Variants in ANK3 observed in about 807,000 individuals in gnomAD.
ANK3 encodes the protein ankyrin 3.
In ANK3, 57 loss-of-function variants were observed where a neutral mutation model predicts 370.9. The ratio of observed to expected loss-of-function variants is 0.15; its 90% confidence interval spans 0.12 to 0.19. The LOEUF is 0.19. ANK3 is among the 10% of genes least tolerant of loss of function. The pLI is 1.00. For missense variants in ANK3, 4,439 were observed against 5,302.1 expected (o/e 0.84, Z 5.06); for synonymous variants, 1,929 against 1,946.3 (o/e 0.99, Z 0.23).
intron 2 of ANK3, among the ~76,000 whole-genome samples, chr10:60,485,378 C>A (rs912937466): frequency 6.6e-6 from 1 of 152,136 alleles, no homozygotes; most frequent in Non-Finnish European, 1.5e-5. Flanking sequence ...CTTTTCTCAT[C>A]GGATGTGAAT....
intron 23 of ANK3, among the ~76,000 whole-genome samples, chr10:60,146,929 T>G (rs918737237): frequency 6.6e-6 from 1 of 152,230 alleles, no homozygotes; most frequent in African/African-American, 2.4e-5. Flanking sequence ...AGAAATATGG[T>G]AGGATTAGGA....
intron 40 of ANK3, 142 bp from the exon 41 acceptor site, chr10:60,059,572 TCTC>T: frequency 8.0e-7 from 1 of 1,246,728 alleles, no homozygotes; most frequent in Non-Finnish European, 1.1e-6. Flanking sequence ...TCTTCCATCA[TCTC>T]CTCATCAGGA....
At chr10:60,474,287 G>A (rs763092353) in intron 2 of ANK3, among the ~76,000 whole-genome samples, 82 of 152,116 alleles carry the variant, frequency 5.4e-4, no homozygotes, top group Non-Finnish European at 1.1e-3. Context: ...TACAGAGAAT[G>A]GACATGCTCA....
intron 42 of ANK3, among the ~76,000 whole-genome samples, chr10:60,046,434 A>G (rs1410049539): frequency 6.6e-6 from 1 of 152,218 alleles, no homozygotes; most frequent in Admixed American, 6.5e-5. Context: ...TTGGGCAGGT[A>G]CTGAATGAAT....
At chr10:60,415,404 G>C (rs2063641026) in intron 2 of ANK3, among the ~76,000 whole-genome samples, 1 of 152,106 alleles carries the variant, frequency 6.6e-6, no homozygotes, top group Non-Finnish European at 1.5e-5. Context: ...CCTCTTAAAT[G>C]ACCAGCGGGA....
chr10:60,357,992 A>G (rs2132722828), intron 1 of ANK3, among the ~76,000 whole-genome samples: 1 of 152,048 alleles, frequency 6.6e-6, no homozygotes, highest in Admixed American at 6.6e-5. Flanking sequence ...AGCTTTTGCC[A>G]TTATCTCCTG....
intron 7 of ANK3, among the ~76,000 whole-genome samples, chr10:60,256,600 T>C (rs1052663972): frequency 2.0e-5 from 3 of 152,204 alleles, no homozygotes; most frequent in African/African-American, 7.2e-5. Context: ...GTTGTGAGCA[T>C]AGTACCCAAT....
In ANK3 at chr10:60,465,806, T is replaced by C. The variant is rs536433280; in HGVS notation, c.96+149380A>G. Among the ~76,000 whole-genome samples, 263 of 149,392 alleles carry C rather than the reference T, an allele frequency of 1.8e-3. 3 individuals are homozygous for C. Among genetic ancestry groups the C allele is most frequent in the African/African-American group, 6.3e-3 (256 of 40,628 alleles). The stretch of plus-strand genomic sequence containing the variant: ...TTTTCTTTCTTTTTTTTTTTTTTTT[T>C]CAAAAAAAGAGGACTTAGGATGAAG... On this transcript the variant is annotated intron_variant, in intron 2 of 43. Transcript: ENST00000373827.
At chr10:60,435,780 C>T (rs1490986636) in intron 2 of ANK3, among the ~76,000 whole-genome samples, 1 of 152,204 alleles carries the variant, frequency 6.6e-6, no homozygotes, top group Non-Finnish European at 1.5e-5. Context: ...CCTTTTGTGT[C>T]TGGATTCTTT....
At chr10:60,083,887 C>T (rs2085947322) in intron 32 of ANK3, 1 of 267,776 alleles carries the variant, frequency 3.7e-6, no homozygotes, top group Non-Finnish European at 6.8e-6. Flanking sequence ...AAGAATGTGC[C>T]TGACATCAAT....
At chr10:60,589,488 G>A (rs1405047195) in intron 2 of ANK3, among the ~76,000 whole-genome samples, 1 of 151,912 alleles carries the variant, frequency 6.6e-6, no homozygotes, top group Non-Finnish European at 1.5e-5. Flanking sequence ...GTTACTGATA[G>A]ACTTTTTTTA....
At chr10:60,186,666 G>A (rs765157003) in intron 17 of ANK3, 49 bp downstream of exon 17, 2 of 1,565,840 alleles carry the variant, frequency 1.3e-6, no homozygotes, top group African/African-American at 1.4e-5. Flanking sequence ...CTTTCTGAGG[G>A]GTGAGGTTTT....
At chr10:60,243,368 G>A (rs1048895733) in intron 7 of ANK3, among the ~76,000 whole-genome samples, 1 of 152,082 alleles carries the variant, frequency 6.6e-6, no homozygotes, top group Admixed American at 6.6e-5. Context: ...AGATCATCAG[G>A]GTATGGCCTC....
chr10:60,175,735 C>A (rs1425095154), intron 18 of ANK3, among the ~76,000 whole-genome samples: 1 of 152,196 alleles, frequency 6.6e-6, no homozygotes, highest in Non-Finnish European at 1.5e-5. Flanking sequence ...AGGAGGGGCT[C>A]AGCAGCCAGG....
At chr10:60,531,930 T>C (rs1253531403) in intron 2 of ANK3, among the ~76,000 whole-genome samples, 1 of 152,138 alleles carries the variant, frequency 6.6e-6, no homozygotes, top group African/African-American at 2.4e-5. Context: ...AATGTTCACT[T>C]ATGTTTGAGA....
intron 2 of ANK3, among the ~76,000 whole-genome samples, chr10:60,520,949 T>A (rs74863387): frequency 5.3e-5 from 8 of 149,852 alleles, no homozygotes; most frequent in East Asian, 3.9e-4. Flanking sequence ...GTTTTTTTTT[T>A]AATTTGATTC....
rs1024198417 is a variant in ANK3 at position 60,589,140 on chromosome 10, A to T, written c.96+26046T>A. 3.3e-5 allele frequency among the ~76,000 whole-genome samples: 5 copies of T among 152,320 alleles called. No individual in the cohort carries two copies. The East Asian group carries it at 9.6e-4, about 29-fold the overall frequency. On this transcript the variant is annotated intron_variant, in intron 2 of 43. Coordinates refer to the ANK3 transcript ENST00000373827. Reference sequence around the variant, plus strand: ...AAATTGTTAGTGTGTGTAGCATTTTATTAAGGATACTGAAATTACTTATGG... The same window carrying T: ...AAATTGTTAGTGTGTGTAGCATTTTTTTAAGGATACTGAAATTACTTATGG...
intron 1 of ANK3, among the ~76,000 whole-genome samples, chr10:60,289,029 C>T (rs1356670349): frequency 6.6e-6 from 1 of 151,910 alleles, no homozygotes; most frequent in Admixed American, 6.6e-5. Context: ...TTCTCCTTCA[C>T]CAAAGGAGAA....
intron 2 of ANK3, among the ~76,000 whole-genome samples, chr10:60,495,884 T>C (rs1011822443): frequency 6.6e-6 from 1 of 152,196 alleles, no homozygotes; most frequent in Non-Finnish European, 1.5e-5. Context: ...AACTTGTCTT[T>C]GCAAATCCCT....
Sources: allele counts gnomAD v4.1 joint callset (sites outside exome capture counted in the v4.1 genomes callset), GRCh38; gene constraint gnomAD v4.1.1; transcripts MANE v1.5; gene names NCBI Gene and HGNC (gene_info 2026-07-23, HGNC 2026-07-21).